VAX2: variants seen among roughly 807,000 people sequenced by gnomAD.
VAX2 encodes ventral anterior homeobox 2.
VAX2 carries 8 observed loss-of-function variants against 12.5 expected under a neutral mutation model. That is an observed-to-expected ratio of 0.64 (90% confidence interval 0.37 to 1.15). VAX2 has a LOEUF of 1.15. Ranked by LOEUF, VAX2 falls within the 50% of genes most tolerant of loss-of-function variation. VAX2 has a pLI of 0.01. For synonymous variants in VAX2, 183 were observed against 187.6 expected, an observed-to-expected ratio of 0.98 and a Z score of 0.20; for missense variants, 476 against 412.9, an observed-to-expected ratio of 1.15 and a Z score of -1.32.
At position 70,900,874 on chromosome 2, in the gene VAX2, G is replaced by T. The variant is rs931031156; in HGVS notation, c.247+6G>T. 1.0e-5 allele frequency: 14 copies of T among 1,401,232 alleles called. No homozygotes were observed. The highest frequency in any genetic ancestry group is 1.5e-5 in the African/African-American group (1 of 67,326). 86.8% of individuals were successfully genotyped at this position (1,401,232 alleles called of 1,614,324 possible). A position where few individuals can be genotyped will look rare whatever the true frequency, so the allele number is the denominator to read the frequency against. On this transcript the variant is annotated splice_donor_region_variant and intron_variant, in intron 1 of 2. Transcript: ENST00000234392. Reference sequence around the variant, plus strand: ...CCGCCGCATACTGGTGCGAGGTAAGGGGACAGCCCGCGGCCCTGCTCCACT... The same window carrying T: ...CCGCCGCATACTGGTGCGAGGTAAGTGGACAGCCCGCGGCCCTGCTCCACT...
intron 2 of VAX2, among the ~76,000 whole-genome samples, chr2:70,928,242 G>A (rs1201747504): frequency 6.6e-6 from 1 of 152,230 alleles, no homozygotes; most frequent in Non-Finnish European, 1.5e-5. Flanking sequence ...GAAGTAGAGA[G>A]TTGACCCTTC....
chr2:70,910,850 A>AT (rs35939377), intron 1 of VAX2, among the ~76,000 whole-genome samples: 4,333 of 145,406 alleles, frequency 0.03, 217 homozygotes, highest in African/African-American at 0.095. Flanking sequence ...TCTTTGTGGG[A>AT]TTTTTTTTTT....
intron 1 of VAX2, among the ~76,000 whole-genome samples, chr2:70,913,660 A>C (rs560804646): frequency 1.3e-5 from 2 of 152,042 alleles, no homozygotes; most frequent in African/African-American, 4.8e-5. Context: ...TGGGTGACAG[A>C]GCGAGACTCC....
At chr2:70,928,708 G>A (rs554008754) in intron 2 of VAX2, among the ~76,000 whole-genome samples, 2 of 152,274 alleles carry the variant, frequency 1.3e-5, no homozygotes, top group South Asian at 2.1e-4. Context: ...TTGGGAATGA[G>A]TTAGTGCCAC....
intron 1 of VAX2, among the ~76,000 whole-genome samples, chr2:70,908,526 G>C (rs149686162): frequency 1.4e-4 from 22 of 152,206 alleles, no homozygotes; most frequent in African/African-American, 4.3e-4. Context: ...AAGTGGACTA[G>C]GTGGATCATA....
chr2:70,928,006 C>A (rs1679611427), intron 2 of VAX2, among the ~76,000 whole-genome samples: 1 of 152,188 alleles, frequency 6.6e-6, no homozygotes, highest in Admixed American at 6.5e-5. Flanking sequence ...GGAATGGTTT[C>A]CCAGAAGTGG....
chr2:70,932,744 G>C, intron 2 of VAX2, 23 bp from the exon 3 acceptor site: 1 of 1,376,806 alleles, frequency 7.3e-7, no homozygotes, highest in Non-Finnish European at 9.6e-7. Flanking sequence ...CTCCCTCCTT[G>C]ACACCCCCTC....
chr2:70,925,883 C>T (rs1679561161), intron 2 of VAX2, among the ~76,000 whole-genome samples: 2 of 152,160 alleles, frequency 1.3e-5, no homozygotes, highest in South Asian at 4.1e-4. Context: ...ATCTGCTTCT[C>T]TCTCTGTTTC....
intron 1 of VAX2, among the ~76,000 whole-genome samples, chr2:70,918,863 CAAAAAAA>C (rs531465293): frequency 2.0e-5 from 2 of 99,466 alleles, no homozygotes. Flanking sequence ...CCAGCCGTCT[CAAAAAAA>C]AAAAAAAAAA....
At chr2:70,923,259 T>C (rs975833305) in intron 2 of VAX2, among the ~76,000 whole-genome samples, 3 of 152,168 alleles carry the variant, frequency 2.0e-5, no homozygotes, top group African/African-American at 7.2e-5. Context: ...GTAAAAGTAA[T>C]GGACAGCTGA....
intron 1 of VAX2, among the ~76,000 whole-genome samples, chr2:70,906,298 G>A (rs1312500580): frequency 1.3e-5 from 2 of 152,090 alleles, no homozygotes; most frequent in Non-Finnish European, 2.9e-5. Flanking sequence ...TGCTGACTGG[G>A]GACATTCAGC....
At chr2:70,901,979 G>A (rs782547048) in intron 1 of VAX2, among the ~76,000 whole-genome samples, 9 of 152,248 alleles carry the variant, frequency 5.9e-5, no homozygotes, top group Admixed American at 1.3e-4. Context: ...CCGCTCGGGA[G>A]AGCCACTGGG....
intron 1 of VAX2, among the ~76,000 whole-genome samples, chr2:70,901,132 C>T (rs1438900613): frequency 1.3e-5 from 2 of 152,260 alleles, no homozygotes; most frequent in African/African-American, 4.8e-5. Flanking sequence ...CCATTCGGAA[C>T]GGCTACTGTG....
intron 2 of VAX2, among the ~76,000 whole-genome samples, chr2:70,923,191 C>T (rs112338770): frequency 1.1e-4 from 16 of 152,254 alleles, no homozygotes; most frequent in Non-Finnish European, 1.8e-4. Context: ...GCAAGTCCTC[C>T]GCACTGTTCT....
intron 1 of VAX2, among the ~76,000 whole-genome samples, chr2:70,905,791 G>A (rs551854330): frequency 7.9e-5 from 12 of 152,336 alleles, no homozygotes; most frequent in African/African-American, 2.6e-4. Flanking sequence ...GGGGCTACAG[G>A]AAAGGGAGGA....
chr2:70,923,169 A>G (rs1422079645), intron 2 of VAX2, among the ~76,000 whole-genome samples: 3 of 152,172 alleles, frequency 2.0e-5, no homozygotes, highest in Admixed American at 6.5e-5. Flanking sequence ...CTGGACACAT[A>G]GTAGGCCCTC....
intron 2 of VAX2, among the ~76,000 whole-genome samples, chr2:70,931,969 G>A (rs1679703610): frequency 6.6e-6 from 1 of 152,218 alleles, no homozygotes; most frequent in Non-Finnish European, 1.5e-5. Flanking sequence ...GAATCACCTG[G>A]TGAGCTTTAA....
intron 2 of VAX2, among the ~76,000 whole-genome samples, chr2:70,925,951 T>C (rs1326648244): frequency 6.6e-6 from 1 of 152,136 alleles, no homozygotes; most frequent in Non-Finnish European, 1.5e-5. Flanking sequence ...TTCTCTTCCT[T>C]CTGCCAAATA....
chr2:70,924,583 G>A (rs977666535), intron 2 of VAX2, among the ~76,000 whole-genome samples: 5 of 152,082 alleles, frequency 3.3e-5, no homozygotes, highest in Admixed American at 1.3e-4. Context: ...CTTGCAGCGG[G>A]TGCATTCATG....
Sources: allele counts gnomAD v4.1 joint callset (sites outside exome capture counted in the v4.1 genomes callset), GRCh38; gene constraint gnomAD v4.1.1; transcripts MANE v1.5; gene names NCBI Gene and HGNC (gene_info 2026-07-23, HGNC 2026-07-21).